The following ZNF827 variants were observed in gnomAD, a reference collection of about 807,000 sequenced individuals.
ZNF827 encodes the protein zinc finger protein 827.
ZNF827 carries 13 observed loss-of-function variants against 102.4 expected under a neutral mutation model. That is an observed-to-expected ratio of 0.13 (90% CI 0.08 to 0.20). The LOEUF is 0.20. Among genes scored for constraint, ZNF827 ranks in the 10% least tolerant of loss-of-function variants. ZNF827 has a pLI of 1.00. For synonymous variants in ZNF827, 523 were observed against 536.2 expected (o/e 0.98, Z 0.34); for missense variants, 1,103 against 1,344.4 (o/e 0.82, Z 2.81).
chr4:145,843,091 T>C (rs1361696713), intron 7 of ZNF827, among the ~76,000 whole-genome samples: 1 of 152,030 alleles, frequency 6.6e-6, no homozygotes, highest in African/African-American at 2.4e-5. Context: ...GTTCCTGATA[T>C]CAGTTAACTC....
chr4:145,873,894 T>C (rs935737348), intron 4 of ZNF827, among the ~76,000 whole-genome samples: 8 of 152,232 alleles, frequency 5.3e-5, no homozygotes, highest in African/African-American at 1.9e-4. Flanking sequence ...GTTTATTAAG[T>C]CTGTGTCTTT....
intron 8 of ZNF827, chr4:145,819,929 T>C (rs1368847388): frequency 6.6e-6 from 1 of 152,236 alleles, no homozygotes. Flanking sequence ...AAGCTCTGTG[T>C]TTATTCTGTT....
intron 2 of ZNF827, among the ~76,000 whole-genome samples, chr4:145,901,024 GA>G (rs1210839899): frequency 4.6e-5 from 7 of 152,162 alleles, no homozygotes; most frequent in Admixed American, 1.3e-4. Context: ...TTCTGCTGTT[GA>G]CTCAAGTTTT....
At chr4:145,868,013 C>G (rs747337954) in intron 5 of ZNF827, among the ~76,000 whole-genome samples, 4 of 152,126 alleles carry the variant, frequency 2.6e-5, no homozygotes, top group Non-Finnish European at 4.4e-5. Flanking sequence ...AAGTTTTTTC[C>G]TAACATCTTC....
Position 145,758,784 on chromosome 4 carries a change from C to A in ZNF827, c.*2832G>T, listed in dbSNP as rs896199416. On this transcript the variant is annotated 3_prime_UTR_variant, in exon 15 of 15. Transcript: ENST00000508784. ...AGCTTCCCGCTCCCTGTGGGCATCT[C>A]CTTAGTGTAAACAGGTTTGCCAGGG... 6 of 152,192 alleles carry A rather than the reference C, an allele frequency of 3.9e-5. No individual in the cohort carries two copies. The highest frequency in any genetic ancestry group is 8.8e-5 in the Non-Finnish European group (6 of 68,044). 9.4% of individuals were successfully genotyped at this position (152,192 alleles called of 1,614,324 possible).
At chr4:145,863,582 C>T (rs537694697) in intron 5 of ZNF827, among the ~76,000 whole-genome samples, 1 of 152,294 alleles carries the variant, frequency 6.6e-6, no homozygotes, top group East Asian at 1.9e-4. Context: ...ATTTATGTTA[C>T]AACATAGAAA....
At chr4:145,805,926 C>T (rs950164141) in intron 8 of ZNF827, among the ~76,000 whole-genome samples, 3 of 151,936 alleles carry the variant, frequency 2.0e-5, no homozygotes, top group Admixed American at 6.6e-5. Flanking sequence ...GAGTCTTTTC[C>T]TGACCATTCT....
intron 5 of ZNF827, among the ~76,000 whole-genome samples, chr4:145,863,503 T>C (rs1162156432): frequency 6.6e-6 from 1 of 152,050 alleles, no homozygotes. Context: ...TAAACGAAAA[T>C]GTGGTATATC....
intron 4 of ZNF827, among the ~76,000 whole-genome samples, chr4:145,873,968 CATCTTTT>C (rs1284132463): frequency 2.0e-5 from 3 of 151,822 alleles, no homozygotes; most frequent in Non-Finnish European, 4.4e-5. Flanking sequence ...TTCCTTGCTG[CATCTTTT>C]ATTTAAAAAC....
At chr4:145,847,815 C>T (rs1278032398) in intron 6 of ZNF827, among the ~76,000 whole-genome samples, 1 of 152,186 alleles carries the variant, frequency 6.6e-6, no homozygotes, top group Non-Finnish European at 1.5e-5. Context: ...AAAATTTAAA[C>T]AAAGATTTGC....
intron 8 of ZNF827, among the ~76,000 whole-genome samples, chr4:145,787,717 A>G (rs1273844292): frequency 6.6e-6 from 1 of 152,116 alleles, no homozygotes; most frequent in Non-Finnish European, 1.5e-5. Context: ...AACCCATCTG[A>G]TAGAATTCAG....
At chr4:145,851,737 T>G (rs930359029) in intron 5 of ZNF827, among the ~76,000 whole-genome samples, 2 of 152,208 alleles carry the variant, frequency 1.3e-5, no homozygotes, top group Non-Finnish European at 2.9e-5. Flanking sequence ...TTTCTCTTCA[T>G]GTCTGCAAAG....
chr4:145,867,085 A>G (rs1482814920), intron 5 of ZNF827, among the ~76,000 whole-genome samples: 1 of 152,230 alleles, frequency 6.6e-6, no homozygotes, highest in East Asian at 1.9e-4. Context: ...TATGCTTAGC[A>G]AAAAAGTCTG....
At chr4:145,862,207 A>G (rs1747797910) in intron 5 of ZNF827, among the ~76,000 whole-genome samples, 2 of 152,194 alleles carry the variant, frequency 1.3e-5, no homozygotes, top group African/African-American at 2.4e-5. Flanking sequence ...GCCTGTTGGA[A>G]TAAGTTCCTC....
chr4:145,888,712 T>G (rs1178613315), intron 3 of ZNF827, among the ~76,000 whole-genome samples: 1 of 152,240 alleles, frequency 6.6e-6, no homozygotes, highest in Non-Finnish European at 1.5e-5. Context: ...TTCACCAGTG[T>G]TCTTTATCTT....
At chr4:145,908,264 T>C (rs1392629094) in intron 1 of ZNF827, among the ~76,000 whole-genome samples, 1 of 152,232 alleles carries the variant, frequency 6.6e-6, no homozygotes, top group Non-Finnish European at 1.5e-5. Flanking sequence ...ACTCGCAAAC[T>C]ATTCCCACCA....
At chr4:145,921,035 G>T (rs1351279031) in intron 1 of ZNF827, among the ~76,000 whole-genome samples, 4 of 152,208 alleles carry the variant, frequency 2.6e-5, no homozygotes, top group African/African-American at 9.7e-5. Context: ...ACCAGGGGAG[G>T]AGACGCCTAA....
intron 8 of ZNF827, among the ~76,000 whole-genome samples, chr4:145,817,207 C>T (rs1012282892): frequency 1.3e-5 from 2 of 152,162 alleles, no homozygotes; most frequent in Admixed American, 6.5e-5. Context: ...CTTTCAAGAA[C>T]TACTTATGGT....
At chr4:145,870,575 T>C (rs1249338630) in intron 4 of ZNF827, 97 bp from the exon 5 acceptor site, 1 of 1,097,408 alleles carries the variant, frequency 9.1e-7, no homozygotes, top group Admixed American at 2.2e-5. Flanking sequence ...ACAATCACAC[T>C]GTGCTAACAA....
Sources: gnomAD v4.1 joint callset for allele counts (sites outside exome capture counted in the v4.1 genomes callset) on GRCh38, gnomAD v4.1.1 for gene constraint, MANE v1.5 for transcripts, NCBI Gene and HGNC (gene_info 2026-07-23, HGNC 2026-07-21) for gene names.